The following MGAT5 variants were observed in gnomAD, a reference collection of about 807,000 sequenced individuals.
MGAT5 encodes alpha-1,6-mannosylglycoprotein 6-beta-N-acetylglucosaminyltransferase.
In MGAT5, 30 loss-of-function variants were observed where a neutral mutation model predicts 94.3. The observed-to-expected ratio is 0.32, with a 90% confidence interval of 0.24 to 0.43. The LOEUF is 0.43. Ranked by LOEUF, MGAT5 falls within the 20% of genes least tolerant of loss-of-function variation. The pLI is 1.00. For synonymous variants in MGAT5, 310 were observed against 322.9 expected (o/e 0.96, Z 0.43); for missense variants, 691 against 905.5 (o/e 0.76, Z 3.04).
At chr2:134,239,776 A>G (rs1681870697) in intron 1 of MGAT5, among the ~76,000 whole-genome samples, 1 of 151,998 alleles carries the variant, frequency 6.6e-6, no homozygotes, top group South Asian at 2.1e-4. Flanking sequence ...TATAATTATG[A>G]TATGTTCCAA....
At position 134,390,258 on chromosome 2, in the gene MGAT5, T is replaced by G. The variant is rs548697670; in HGVS notation, c.1381-12730T>G. Among the ~76,000 whole-genome samples the G allele has an allele frequency of 3.6e-3, 554 of 152,364 alleles. 8 individuals are homozygous for G. Among genetic ancestry groups the G allele is most frequent in the African/African-American group, 0.013 (524 of 41,588 alleles). On this transcript the variant is annotated intron_variant, in intron 10 of 15. Transcript: ENST00000281923. ...CATCCCCTTTTTGAGGTTCACTTTT[T>G]AGATCAGGCACTGCTTGAGGTGCCA... is the stretch of plus-strand genomic sequence containing the variant.
At position 134,451,490 on chromosome 2, in the gene MGAT5, AG is replaced by A; in HGVS notation, c.*2644del. On this transcript the variant is annotated 3_prime_UTR_variant, in exon 16 of 16. Coordinates refer to ENST00000281923, the MANE Select transcript of MGAT5 (RefSeq NM_002410.5). ...GCCCAGGTCTAGTCAGTGATCCTGG[AG>A]AGGAAACTGGGGAGGGGGCTTCCAA... 1 of 152,332 alleles carries A rather than the reference AG, an allele frequency of 6.6e-6. No homozygotes were observed. Among genetic ancestry groups the A allele is most frequent in the Non-Finnish European group, 1.5e-5 (1 of 68,056 alleles). 9.4% of individuals were successfully genotyped at this position (152,332 alleles called of 1,614,324 possible).
chr2:134,159,613 G>A (rs1328005637), intron 1 of MGAT5, among the ~76,000 whole-genome samples: 1 of 152,188 alleles, frequency 6.6e-6, no homozygotes, highest in African/African-American at 2.4e-5. Flanking sequence ...CTTTTGGGAG[G>A]CTGAGGCAGG....
chr2:134,169,793 T>C (rs1688122545), intron 1 of MGAT5, among the ~76,000 whole-genome samples: 1 of 152,188 alleles, frequency 6.6e-6, no homozygotes, highest in South Asian at 2.1e-4. Context: ...TTAAGGGCCT[T>C]TTGGTTTCTT....
chr2:134,270,449 C>G lies in MGAT5; in HGVS notation c.305C>G (p.Ser102Trp). ...TTGCAGCGCATTGGCAAGTTGGAGT[C>G]GAAGGTGGACAATCTTGTTGTCAAT... ...NILQRIGKLE[S>W]KVDNLVVNGT... Residue 102 changes from serine to tryptophan, a missense_variant, in exon 2 of 16, where the codon TCG (serine) becomes TGG (tryptophan). By Grantham distance (177) the Ser-to-Trp change is radical. Coordinates refer to ENST00000281923, the MANE Select transcript of MGAT5 (RefSeq NM_002410.5). The G allele has an allele frequency of 6.2e-7, 1 of 1,614,150 alleles. No homozygotes were observed. The highest frequency in any genetic ancestry group is 1.1e-5 in the South Asian group (1 of 91,078).
intron 12 of MGAT5, among the ~76,000 whole-genome samples, chr2:134,415,322 G>A (rs1190404603): frequency 6.6e-6 from 1 of 152,164 alleles, no homozygotes; most frequent in Non-Finnish European, 1.5e-5. Context: ...TAACAAGCAT[G>A]AGGTGATATC....
At chr2:134,146,088 A>G (rs1219965865) in intron 1 of MGAT5, among the ~76,000 whole-genome samples, 1 of 152,102 alleles carries the variant, frequency 6.6e-6, no homozygotes, top group African/African-American at 2.4e-5. Context: ...TTCTTAGTTA[A>G]GTGTGGTGTT....
intron 1 of MGAT5, among the ~76,000 whole-genome samples, chr2:134,202,224 A>G (rs893943757): frequency 2.0e-5 from 3 of 152,138 alleles, no homozygotes; most frequent in Admixed American, 6.5e-5. Flanking sequence ...TCCAAAATTC[A>G]TATGTTGAAA....
rs1379645098 is a variant in MGAT5 at position 134,450,981 on chromosome 2, C to T, written c.*2134C>T. 1 of 152,104 alleles carries T rather than the reference C, an allele frequency of 6.6e-6. No individual in the cohort carries two copies. The allele number at this position is 152,104 out of a possible 1,614,324, so 9.4% of individuals were successfully genotyped here. ...GTGGGAATTTGCTAGAGTTCCCTGA[C>T]CTGCAATCCCTGGGCCAGTGCCGCC... is the stretch of plus-strand genomic sequence containing the variant. On this transcript the variant is annotated 3_prime_UTR_variant, in exon 16 of 16. Coordinates refer to ENST00000281923, the MANE Select transcript of MGAT5 (RefSeq NM_002410.5).
chr2:134,319,997 A>T (rs1687222150), intron 4 of MGAT5: 2 of 195,390 alleles, frequency 1.0e-5, no homozygotes, highest in Non-Finnish European at 2.2e-5. Flanking sequence ...CCACCAGTAG[A>T]TGTTCTTCCT....
At chr2:134,256,673 C>A (rs1387474147) in intron 1 of MGAT5, among the ~76,000 whole-genome samples, 3 of 152,144 alleles carry the variant, frequency 2.0e-5, no homozygotes, top group African/African-American at 7.2e-5. Context: ...GAATTTCAGC[C>A]ACCTTATATG....
At chr2:134,166,585 C>T (rs891737700) in intron 1 of MGAT5, among the ~76,000 whole-genome samples, 3 of 152,170 alleles carry the variant, frequency 2.0e-5, no homozygotes, top group African/African-American at 7.2e-5. Context: ...GCATTAAGTG[C>T]GAGATTAATC....
intron 1 of MGAT5, among the ~76,000 whole-genome samples, chr2:134,240,969 A>T (rs145362689): frequency 1.1e-3 from 163 of 152,380 alleles, no homozygotes; most frequent in African/African-American, 3.7e-3. Context: ...GTTAATCACA[A>T]CCTTCCTCCC....
chr2:134,187,524 T>C (rs1689107031), intron 1 of MGAT5, among the ~76,000 whole-genome samples: 1 of 152,234 alleles, frequency 6.6e-6, no homozygotes. Flanking sequence ...CTTTACTTGC[T>C]CTGTTTCTTT....
At chr2:134,407,110 T>C (rs549076302) in intron 11 of MGAT5, among the ~76,000 whole-genome samples, 1 of 152,330 alleles carries the variant, frequency 6.6e-6, no homozygotes, top group African/African-American at 2.4e-5. Flanking sequence ...TCGTATACCC[T>C]GCGCCTAGAT....
In MGAT5 at chr2:134,434,889, T is replaced by A. The variant is rs529349032; in HGVS notation, c.1869+6450T>A. ...TGAACCTCTGAGTCCAGGGACTGTG[T>A]CTCCTTCATGTTTATATTTCCAGCA... On this transcript the variant is annotated intron_variant, in intron 14 of 15. Transcript: ENST00000281923. Among the ~76,000 whole-genome samples, 3 of 152,318 alleles carry A rather than the reference T, an allele frequency of 2.0e-5. No individual in the cohort carries two copies. In the East Asian group the frequency reaches 5.8e-4, roughly 29 times the overall value.
intron 10 of MGAT5, among the ~76,000 whole-genome samples, chr2:134,378,551 T>C (rs1463427488): frequency 6.6e-6 from 1 of 152,060 alleles, no homozygotes; most frequent in African/African-American, 2.4e-5. Flanking sequence ...CTAATCTAAG[T>C]CTCAGTGTTC....
At chr2:134,226,441 A>G (rs1681068530) in intron 1 of MGAT5, among the ~76,000 whole-genome samples, 3 of 152,152 alleles carry the variant, frequency 2.0e-5, no homozygotes, top group South Asian at 2.1e-4. Flanking sequence ...TTCTTTTTCT[A>G]TATTTCTCTC....
chr2:134,348,471 C>T (rs1297431071), intron 8 of MGAT5, among the ~76,000 whole-genome samples: 1 of 152,126 alleles, frequency 6.6e-6, no homozygotes, highest in African/African-American at 2.4e-5. Flanking sequence ...TCTCTAATGA[C>T]AAAACTAGCA....
Sources: allele counts gnomAD v4.1 joint callset (sites outside exome capture counted in the v4.1 genomes callset), GRCh38; gene constraint gnomAD v4.1.1; transcripts MANE v1.5; gene names NCBI Gene and HGNC (gene_info 2026-07-23, HGNC 2026-07-21).